GLRX3: variants seen among roughly 807,000 people sequenced by gnomAD.
GLRX3 encodes glutaredoxin 3, also known as glutaredoxin-3.
GLRX3 carries 22 observed loss-of-function variants against 49.5 expected under a neutral mutation model. The observed-to-expected ratio is 0.44, with a 90% CI of 0.32 to 0.63. The LOEUF is 0.63. GLRX3 is among the 30% of genes least tolerant of loss of function. The pLI is 0.05. For synonymous variants in GLRX3, 133 were observed against 140.0 expected, an observed-to-expected ratio of 0.95 and a Z score of 0.35; for missense variants, 385 against 396.3, an observed-to-expected ratio of 0.97 and a Z score of 0.24.
intron 6 of GLRX3, among the ~76,000 whole-genome samples, chr10:130,167,203 T>C (rs1862709155): frequency 6.6e-6 from 1 of 152,234 alleles, no homozygotes; most frequent in Admixed American, 6.5e-5. Context: ...TCTGCTTTGC[T>C]TTTATAGAAA....
chr10:130,168,798 A>G (rs1374962750), intron 6 of GLRX3, among the ~76,000 whole-genome samples: 1 of 152,178 alleles, frequency 6.6e-6, no homozygotes, highest in Non-Finnish European at 1.5e-5. Flanking sequence ...GCGTGACCCC[A>G]TGGGGCTTAG....
At chr10:130,164,849 A>G (rs879838720) in intron 4 of GLRX3, among the ~76,000 whole-genome samples, 33 of 152,252 alleles carry the variant, frequency 2.2e-4, no homozygotes, top group Non-Finnish European at 3.8e-4. Flanking sequence ...TTGGCAACAG[A>G]ATAACCATCA....
intron 1 of GLRX3, among the ~76,000 whole-genome samples, chr10:130,137,274 A>G (rs1043914693): frequency 6.6e-6 from 1 of 152,206 alleles, no homozygotes; most frequent in African/African-American, 2.4e-5. Context: ...AATGCATAGA[A>G]AGCGTTTTCT....
intron 4 of GLRX3, among the ~76,000 whole-genome samples, chr10:130,162,743 C>G (rs1325772047): frequency 6.6e-6 from 1 of 152,160 alleles, no homozygotes; most frequent in Non-Finnish European, 1.5e-5. Flanking sequence ...AAGGAGTGCT[C>G]AGAGGAGAAG....
chr10:130,155,859 G>A (rs1443323449), intron 2 of GLRX3, among the ~76,000 whole-genome samples: 1 of 152,154 alleles, frequency 6.6e-6, no homozygotes, highest in Non-Finnish European at 1.5e-5. Flanking sequence ...TGACAGAAAC[G>A]GACACTGAGT....
chr10:130,179,752 C>T (rs182467966), downstream of GLRX3: 399 of 248,836 alleles, frequency 1.6e-3, 3 homozygotes, highest in African/African-American at 8.0e-3. Context: ...AGAACTGTGG[C>T]GGAATGCAGT....
chr10:130,169,728 A>G (rs1862768089), intron 7 of GLRX3, among the ~76,000 whole-genome samples: 1 of 152,234 alleles, frequency 6.6e-6, no homozygotes, highest in Admixed American at 6.5e-5. Context: ...TTGTCAGCTA[A>G]TGTGGTCAAC....
chr10:130,176,645 G>A (rs1198064755), intron 10 of GLRX3, among the ~76,000 whole-genome samples: 1 of 151,942 alleles, frequency 6.6e-6, no homozygotes, highest in East Asian at 1.9e-4. Flanking sequence ...TTTTTCCTGG[G>A]GAATGGTCTC....
At chr10:130,167,326 A>C (rs34565682) in intron 6 of GLRX3, among the ~76,000 whole-genome samples, 70,206 of 152,010 alleles carry the variant, frequency 0.46, 16,444 homozygotes, top group South Asian at 0.53. Context: ...CTCGTGTTTT[A>C]CTGGGTGCAG....
intron 1 of GLRX3, among the ~76,000 whole-genome samples, chr10:130,136,725 G>A (rs1037781513): frequency 6.6e-6 from 1 of 152,196 alleles, no homozygotes. Flanking sequence ...ACAGCGAGCA[G>A]GGCGCGAGGC....
At chr10:130,143,790 T>C (rs1396444354) in intron 1 of GLRX3, among the ~76,000 whole-genome samples, 1 of 151,950 alleles carries the variant, frequency 6.6e-6, no homozygotes, top group Non-Finnish European at 1.5e-5. Flanking sequence ...CTCTGCCTTC[T>C]GGGTTCAAAC....
intron 1 of GLRX3, among the ~76,000 whole-genome samples, chr10:130,140,010 A>G (rs953283404): frequency 1.3e-5 from 2 of 152,218 alleles, no homozygotes; most frequent in Non-Finnish European, 2.9e-5. Flanking sequence ...CGCTTCTCCA[A>G]TTTTAAAATT....
At chr10:130,149,982 T>TAATAC (rs1862341856) in intron 2 of GLRX3, among the ~76,000 whole-genome samples, 2 of 147,898 alleles carry the variant, frequency 1.4e-5, no homozygotes, top group African/African-American at 5.0e-5. Flanking sequence ...CTCACGCTTG[T>TAATAC]AATCCCAGCA....
At chr10:130,170,094 A>G (rs915478446) in intron 7 of GLRX3, among the ~76,000 whole-genome samples, 1 of 152,234 alleles carries the variant, frequency 6.6e-6, no homozygotes, top group Non-Finnish European at 1.5e-5. Context: ...TTTCTTTCAG[A>G]TTGAGATCAG....
intron 1 of GLRX3, among the ~76,000 whole-genome samples, chr10:130,137,726 C>G (rs1331900665): frequency 6.6e-6 from 1 of 152,040 alleles, no homozygotes; most frequent in Non-Finnish European, 1.5e-5. Context: ...AATTCACAGG[C>G]AAAAAGCTTT....
At chr10:130,165,785 G>C (rs1176431925) in intron 4 of GLRX3, among the ~76,000 whole-genome samples, 1 of 152,206 alleles carries the variant, frequency 6.6e-6, no homozygotes, top group Non-Finnish European at 1.5e-5. Flanking sequence ...TTTAAGTATA[G>C]TCAAGTAGTA....
At chr10:130,172,598 C>T (rs1244789135) in intron 8 of GLRX3, among the ~76,000 whole-genome samples, 3 of 152,124 alleles carry the variant, frequency 2.0e-5, no homozygotes. Flanking sequence ...CTTCAAAGAT[C>T]TATTGAAAAT....
intron 8 of GLRX3, among the ~76,000 whole-genome samples, chr10:130,174,243 G>A (rs1235254239): frequency 6.6e-5 from 10 of 152,262 alleles, no homozygotes; most frequent in African/African-American, 1.4e-4. Flanking sequence ...AGCTGGCAGC[G>A]TGGTTGTTAT....
chr10:130,160,816 A>T lies in GLRX3; in HGVS notation c.297A>T (p.Arg99=), dbSNP rs1406573473. ...TTTAGAATTCTCAGAAAATCGACCG[A>T]TTAGATGGTGCACATGCCCCAGAGT... The part of the protein sequence containing the change: ...LFFKNSQKID[R]LDGAHAPELT... Residue 99 remains arginine (R), a synonymous_variant, in exon 4 of 11, where the codon CGA becomes CGT. Transcript: ENST00000331244. 1 of 1,599,480 alleles carries T rather than the reference A, an allele frequency of 6.3e-7. No individual in the cohort carries two copies. The highest frequency in any genetic ancestry group is 8.6e-7 in the Non-Finnish European group (1 of 1,166,832).
Sources: gnomAD v4.1 joint callset for allele counts (sites outside exome capture counted in the v4.1 genomes callset) on GRCh38, gnomAD v4.1.1 for gene constraint, MANE v1.5 for transcripts, NCBI Gene and HGNC (gene_info 2026-07-23, HGNC 2026-07-21) for gene names.